The following CDH13 variants were observed in gnomAD, a reference collection of about 807,000 sequenced individuals.
The protein encoded by CDH13 is cadherin-13.
Under a neutral mutation model 63.8 loss-of-function variants are expected in CDH13, and 24 were observed. The observed-to-expected ratio is 0.38, with a 90% confidence interval of 0.27 to 0.53. CDH13 has a LOEUF of 0.53. Among genes scored for constraint, CDH13 ranks in the 20% least tolerant of loss-of-function variants. The pLI, the probability that CDH13 is intolerant of heterozygous loss-of-function variation, is 0.85. For synonymous variants in CDH13, 503 were observed against 355.3 expected, an observed-to-expected ratio of 1.42 and a Z score of -4.67; for missense variants, 1,049 against 903.1, an observed-to-expected ratio of 1.16 and a Z score of -2.07.
intron 2 of CDH13, among the ~76,000 whole-genome samples, chr16:82,967,062 C>T (rs913198287): frequency 1.3e-5 from 2 of 152,164 alleles, no homozygotes; most frequent in Admixed American, 1.3e-4. Context: ...CATCTTTGTT[C>T]TGTCTTTCGT....
At chr16:83,092,347 GCTA>G (rs915667666) in intron 3 of CDH13, among the ~76,000 whole-genome samples, 15 of 152,290 alleles carry the variant, frequency 9.8e-5, no homozygotes, top group Non-Finnish European at 2.1e-4. Flanking sequence ...TTGATTGACG[GCTA>G]CTGTTAGTAC....
intron 8 of CDH13, among the ~76,000 whole-genome samples, chr16:83,650,759 A>G (rs977573035): frequency 2.0e-5 from 3 of 152,132 alleles, no homozygotes; most frequent in Admixed American, 2.0e-4. Flanking sequence ...GATTAGGATT[A>G]CGATTAGATT....
chr16:82,954,365 G>C (rs1045925613), intron 2 of CDH13: 1 of 151,992 alleles, frequency 6.6e-6, no homozygotes, highest in Admixed American at 6.5e-5. Flanking sequence ...CTCAGGTACA[G>C]AGATACAGGG....
At position 82,644,310 on chromosome 16, in the gene CDH13, G is replaced by A. The variant is rs184382990; in HGVS notation, c.45+17173G>A. ...AGTGCTCATCACTCTGCAAATCAAG[G>A]CCCCCCGAACTCCTCCCACCCCTGC... is the stretch of plus-strand genomic sequence containing the variant. On this transcript the variant is annotated intron_variant, in intron 1 of 13. Transcript: ENST00000567109. This position sits in a 1 kb window ranked among gnomAD's most constrained non-coding sequence, Gnocchi z 5.7. 2.8e-4 allele frequency among the ~76,000 whole-genome samples: 43 copies of A among 152,022 alleles called. No individual in the cohort carries two copies. Among genetic ancestry groups the A allele is most frequent in the Non-Finnish European group, 4.1e-4 (28 of 67,966 alleles).
At chr16:83,633,164 A>G (rs533170200) in intron 8 of CDH13, among the ~76,000 whole-genome samples, 8 of 151,896 alleles carry the variant, frequency 5.3e-5, no homozygotes, top group South Asian at 2.1e-4. Flanking sequence ...CTGACCTCCT[A>G]TCTCATCCTG....
At chr16:82,778,257 C>G (rs2151109104) in intron 1 of CDH13, among the ~76,000 whole-genome samples, 1 of 152,286 alleles carries the variant, frequency 6.6e-6, no homozygotes, top group Admixed American at 6.5e-5. Flanking sequence ...ACCTCTCTTT[C>G]TGTGATAAGG....
intron 10 of CDH13, among the ~76,000 whole-genome samples, chr16:83,705,709 T>C (rs576829345): frequency 4.6e-4 from 70 of 152,350 alleles, no homozygotes; most frequent in Non-Finnish European, 9.0e-4. Flanking sequence ...TTTCTGTGCA[T>C]TTTATCATTT....
At chr16:83,294,936 A>T (rs564951572) in intron 5 of CDH13, among the ~76,000 whole-genome samples, 11 of 152,310 alleles carry the variant, frequency 7.2e-5, no homozygotes, top group African/African-American at 2.6e-4. Flanking sequence ...AATCTTGAGC[A>T]AAGAGAACAA....
rs1018978690 is a variant in CDH13 at position 83,797,937 on chromosome 16, C to T, written c.*2907C>T. ...ATTTTCTAATTTCAATAAAAGTCAC[C>T]TTCAATACCGCCAGTTCTCTCCAAA... On this transcript the variant is annotated 3_prime_UTR_variant, in exon 14 of 14. Coordinates refer to ENST00000567109, the MANE Select transcript of CDH13 (RefSeq NM_001257.5). The T allele has an allele frequency of 1.3e-5, 2 of 152,064 alleles. No homozygotes were observed. The highest frequency in any genetic ancestry group is 2.9e-5 in the Non-Finnish European group (2 of 68,012). 9.4% of individuals were successfully genotyped at this position (152,064 alleles called of 1,614,324 possible). A position where few individuals can be genotyped will look rare whatever the true frequency, so the allele number is the denominator to read the frequency against.
intron 6 of CDH13, among the ~76,000 whole-genome samples, chr16:83,419,378 A>G (rs935896399): frequency 6.6e-6 from 1 of 152,342 alleles, no homozygotes; most frequent in South Asian, 2.1e-4. Flanking sequence ...GGGAGGCCCA[A>G]TGACTGATCA....
intron 6 of CDH13, among the ~76,000 whole-genome samples, chr16:83,453,625 G>A (rs1216644368): frequency 1.3e-5 from 2 of 152,154 alleles, no homozygotes; most frequent in Admixed American, 1.3e-4. Context: ...TCTGTGGGGT[G>A]TGCGTCTGTT....
chr16:83,109,323 C>G (rs995543002), intron 3 of CDH13, among the ~76,000 whole-genome samples: 1 of 152,030 alleles, frequency 6.6e-6, no homozygotes, highest in Non-Finnish European at 1.5e-5. Flanking sequence ...GCCTTTCATA[C>G]GATGTGAGTG....
chr16:83,078,764 C>T (rs938440400), intron 3 of CDH13, among the ~76,000 whole-genome samples: 3 of 152,110 alleles, frequency 2.0e-5, no homozygotes, highest in Non-Finnish European at 4.4e-5. Context: ...AGTGTTTAGC[C>T]TCCAGTTTTT....
intron 6 of CDH13, among the ~76,000 whole-genome samples, chr16:83,380,396 A>C (rs75744980): frequency 1.3e-5 from 2 of 152,244 alleles, no homozygotes; most frequent in African/African-American, 2.4e-5. Context: ...CTGTCAGCCC[A>C]TTCATTCTAT....
At chr16:83,341,267 G>A (rs1228059368) in intron 5 of CDH13, among the ~76,000 whole-genome samples, 1 of 152,206 alleles carries the variant, frequency 6.6e-6, no homozygotes, top group Non-Finnish European at 1.5e-5. Flanking sequence ...GAAGAAAGAA[G>A]GCAGGCAAGA....
In CDH13 at chr16:83,693,711, G is replaced by T. The variant is rs116793603; in HGVS notation, c.1538+15250G>T. ...CTGATTTATGAACGTTTGCAGCTTG[G>T]CCCTTTGGTGGAGGTAGGCTTGATT... On this transcript the variant is annotated intron_variant, in intron 10 of 13. Coordinates refer to ENST00000567109, the MANE Select transcript of CDH13 (RefSeq NM_001257.5). Among the ~76,000 whole-genome samples the T allele has an allele frequency of 4.1e-3, 625 of 152,282 alleles. 2 individuals are homozygous for T. The highest frequency in any genetic ancestry group is 0.014 in the African/African-American group (599 of 41,550).
At position 83,112,196 on chromosome 16, in the gene CDH13, T is replaced by C. The variant is rs115600022; in HGVS notation, c.367-13189T>C. Reference sequence around the variant, plus strand: ...AATTTTTCTTTCATTTATTCACACATGCAACCATTGTGTATTTGGTCTATG... The same window carrying C: ...AATTTTTCTTTCATTTATTCACACACGCAACCATTGTGTATTTGGTCTATG... On this transcript the variant is annotated intron_variant, in intron 3 of 13. Coordinates refer to ENST00000567109, the MANE Select transcript of CDH13 (RefSeq NM_001257.5). Among the ~76,000 whole-genome samples, 606 of 152,368 alleles carry C rather than the reference T, an allele frequency of 4.0e-3. 3 individuals are homozygous for C. Among genetic ancestry groups the C allele is most frequent in the African/African-American group, 0.014 (581 of 41,586 alleles).
At chr16:83,722,692 G>A (rs1296899143) in intron 10 of CDH13, among the ~76,000 whole-genome samples, 2 of 152,106 alleles carry the variant, frequency 1.3e-5, no homozygotes, top group African/African-American at 4.8e-5. Context: ...CCACACCCTC[G>A]CAAGGCTTTT....
chr16:83,161,140 C>T (rs2037426830), intron 4 of CDH13, among the ~76,000 whole-genome samples: 1 of 152,144 alleles, frequency 6.6e-6, no homozygotes, highest in Non-Finnish European at 1.5e-5. Flanking sequence ...ATTTGTTCCA[C>T]GTGATTTTCT....
Sources: gnomAD v4.1 joint callset for allele counts (sites outside exome capture counted in the v4.1 genomes callset) on GRCh38, gnomAD v4.1.1 for gene constraint, Gnocchi (gnomAD v3.1) non-coding constraint, MANE v1.5 for transcripts, NCBI Gene and HGNC (gene_info 2026-07-23, HGNC 2026-07-21) for gene names.